Variants in HHIPL1 observed in about 807,000 individuals in gnomAD.
HHIPL1 encodes HHIP-like protein 1.
A neutral mutation model predicts 61.8 loss-of-function variants in HHIPL1; 43 were observed. The ratio of observed to expected loss-of-function variants is 0.70; its 90% CI spans 0.55 to 0.90. The LOEUF is 0.90. Ranked by LOEUF, HHIPL1 falls within the 40% of genes least tolerant of loss-of-function variation. HHIPL1 has a pLI of 0.00. For missense variants in HHIPL1, 1,056 were observed against 1,157.7 expected, an observed-to-expected ratio of 0.91 and a Z score of 1.28; for synonymous variants, 482 against 515.8, an observed-to-expected ratio of 0.93 and a Z score of 0.89.
chr14:99,640,271 T>A (rs1477191871), upstream of HHIPL1, among the ~76,000 whole-genome samples: 1 of 152,196 alleles, frequency 6.6e-6, no homozygotes, highest in East Asian at 1.9e-4. Flanking sequence ...ATGTGGTTTT[T>A]AAAACTTTAA....
At chr14:99,637,230 A>T in the HHIPL1 span, among the ~76,000 whole-genome samples, 5 of 146,350 alleles carry the variant, frequency 3.4e-5, no homozygotes, top group South Asian at 1.1e-3. Context: ...GAAAGAAAGA[A>T]AGAAAGAAAG....
At chr14:99,637,443 G>A in the HHIPL1 span, among the ~76,000 whole-genome samples, 1 of 151,720 alleles carries the variant, frequency 6.6e-6, no homozygotes, top group Non-Finnish European at 1.5e-5. Context: ...GTGATGGCGG[G>A]TGCCTCTAAT....
At chr14:99,625,775 T>A in the HHIPL1 span, 2 of 152,204 alleles carry the variant, frequency 1.3e-5, no homozygotes, top group African/African-American at 4.8e-5. Context: ...CAGCCCCCCA[T>A]GCCAGCCAAG....
rs1459429127 is a variant in HHIPL1 at position 99,672,362 on chromosome 14, G to A, written c.1776G>A (p.Lys592=). ...GKCQIQPAQV[K]IRSRLIPFVP... Reference sequence around the variant, plus strand: ...GTCAGATCCAGCCTGCTCAGGTGAAGATCAGAAGCCGTCTCATCCCCTTTG... The same window carrying A: ...GTCAGATCCAGCCTGCTCAGGTGAAAATCAGAAGCCGTCTCATCCCCTTTG... The change falls in exon 8 of 9, where the codon AAG becomes AAA. Residue 592 remains lysine, a synonymous_variant. Transcript: ENST00000330710. 1.3e-6 allele frequency: 2 copies of A among 1,551,296 alleles called. No individual in the cohort carries two copies. The highest frequency in any genetic ancestry group is 2.4e-5 in the South Asian group (2 of 84,060).
At chr14:99,674,792 G>T (rs886883803) in intron 8 of HHIPL1, among the ~76,000 whole-genome samples, 1 of 152,156 alleles carries the variant, frequency 6.6e-6, no homozygotes, top group Non-Finnish European at 1.5e-5. Flanking sequence ...TGGGGCTTGG[G>T]GTAGGGAGAC....
At chr14:99,623,864 C>T in the HHIPL1 span, among the ~76,000 whole-genome samples, 1 of 152,266 alleles carries the variant, frequency 6.6e-6, no homozygotes, top group Admixed American at 6.5e-5. Flanking sequence ...AACAAGCTGC[C>T]GAGAATTCCA....
chr14:99,668,752 C>T lies in HHIPL1; in HGVS notation c.1730+449C>T. 2.0e-6 allele frequency: 3 copies of T among 1,466,940 alleles called. No homozygotes were observed. Among genetic ancestry groups the T allele is most frequent in the South Asian group, 2.3e-5 (2 of 87,948 alleles). The allele number at this position is 1,466,940 out of a possible 1,614,324, so 90.9% of individuals were successfully genotyped here. A position where few individuals can be genotyped will look rare whatever the true frequency, so the allele number is the denominator to read the frequency against. On this transcript the variant is annotated intron_variant, in intron 7 of 8. Coordinates refer to ENST00000330710, the MANE Select transcript of HHIPL1 (RefSeq NM_001127258.3). This position sits in a 1 kb window ranked among gnomAD's most constrained non-coding sequence, Gnocchi z 4.7. ...GTGTCCCCGCCCCGTGCCTGCCCTT[C>T]CTCCTGTGGTCCATCTTCCACTGGG...
chr14:99,671,481 G>A lies in HHIPL1; in HGVS notation c.1731-836G>A, dbSNP rs549201322. 1.1e-4 allele frequency among the ~76,000 whole-genome samples: 16 copies of A among 152,150 alleles called. No homozygotes were observed. The East Asian group carries it at 1.4e-3, about 13-fold the overall frequency. On this transcript the variant is annotated intron_variant, in intron 7 of 8. Transcript: ENST00000330710. ...TTGTCCCTCTTTTGTGTCCCTCTTC[G>A]GCCAAGCCTGTCTGGAGGCCACTCC...
Position 99,659,762 on chromosome 14 carries a change from T to C in HHIPL1, c.1375+6T>C, listed in dbSNP as rs2056114335. On this transcript the variant is annotated splice_donor_region_variant and intron_variant, in intron 4 of 8. Transcript: ENST00000330710. Reference sequence around the variant, plus strand: ...GTGCGCCAACACCTCTCTCAGTGAGTGCCCGCGCCCCGGGGACCCCGGCCC... The same window carrying C: ...GTGCGCCAACACCTCTCTCAGTGAGCGCCCGCGCCCCGGGGACCCCGGCCC... The C allele has an allele frequency of 6.7e-6, 9 of 1,334,220 alleles. No individual in the cohort carries two copies. The highest frequency in any genetic ancestry group is 8.6e-6 in the Non-Finnish European group (9 of 1,040,816). 82.6% of individuals were successfully genotyped at this position (1,334,220 alleles called of 1,614,324 possible).
rs776654066 is a variant in HHIPL1 at position 99,652,642 on chromosome 14, G to A, written c.674G>A (p.Arg225His). ...VGLVWAYLPD[R>H]SRLGKPFLNI... ...CTGGTGTGGGCCTACCTGCCCGACCGCTCGAGGCTGGGGAAGCCTTTCCTG... is the reference window on the plus strand; with the variant it reads ...CTGGTGTGGGCCTACCTGCCCGACCACTCGAGGCTGGGGAAGCCTTTCCTG... The change falls in exon 2 of 9, where the codon CGC becomes CAC. Residue 225 changes from arginine to histidine, a missense_variant. Arg to His is a conservative substitution (Grantham distance 29). Coordinates refer to ENST00000330710, the MANE Select transcript of HHIPL1 (RefSeq NM_001127258.3). The A allele has an allele frequency of 5.6e-6, 9 of 1,613,314 alleles. No homozygotes were observed. The highest frequency in any genetic ancestry group is 4.5e-5 in the East Asian group (2 of 44,880).
chr14:99,659,888 G>T (rs12887985), intron 4 of HHIPL1, 132 bp downstream of exon 4: 2 of 619,748 alleles, frequency 3.2e-6, no homozygotes, highest in Admixed American at 4.2e-5. Flanking sequence ...GTCTGTCCTC[G>T]GCCCCACTCT....
At chr14:99,641,397 G>T (rs1261948195), upstream of HHIPL1, among the ~76,000 whole-genome samples, 3 of 149,986 alleles carry the variant, frequency 2.0e-5, no homozygotes, top group Non-Finnish European at 3.0e-5. Context: ...TCTCTTGGTT[G>T]CCTGGTTTCT....
At chr14:99,644,105 A>G (rs2140045880), upstream of HHIPL1, among the ~76,000 whole-genome samples, 1 of 152,296 alleles carries the variant, frequency 6.6e-6, no homozygotes. Flanking sequence ...GGCCAGAGCC[A>G]CAGACCTCTG....
intron 2 of HHIPL1, among the ~76,000 whole-genome samples, 192 bp from the exon 3 acceptor site, chr14:99,656,807 GA>G (rs1271098911): frequency 0.046 from 109 of 2,354 alleles, 8 homozygotes; most frequent in African/African-American, 0.052. Context: ...AAGAAAGAAA[GA>G]AAGAAAGAAA....
chr14:99,612,528 T>C, the HHIPL1 span, among the ~76,000 whole-genome samples: 1 of 152,214 alleles, frequency 6.6e-6, no homozygotes, highest in Admixed American at 6.5e-5. Flanking sequence ...GGTACACAAA[T>C]ACAATGTAAC....
chr14:99,665,755 GTTA>G (rs1595166088), intron 6 of HHIPL1, among the ~76,000 whole-genome samples: 1 of 151,896 alleles, frequency 6.6e-6, no homozygotes. Flanking sequence ...TTTTTTTGTT[GTTA>G]TTGTTGTTGT....
chr14:99,607,567 C>T, the HHIPL1 span, among the ~76,000 whole-genome samples: 1 of 152,170 alleles, frequency 6.6e-6, no homozygotes, highest in Non-Finnish European at 1.5e-5. Context: ...GATGCTAATA[C>T]ATGGTAGACA....
chr14:99,633,370 G>A, the HHIPL1 span, among the ~76,000 whole-genome samples: 16 of 152,218 alleles, frequency 1.1e-4, no homozygotes, highest in Admixed American at 7.8e-4. Flanking sequence ...CCAGGAGAGA[G>A]TCTGTGATGC....
the HHIPL1 span, among the ~76,000 whole-genome samples, chr14:99,625,922 G>A: frequency 2.0e-5 from 3 of 152,138 alleles, no homozygotes; most frequent in African/African-American, 7.2e-5. Flanking sequence ...CCCACAAGTT[G>A]TTCTGTTTCC....
Sources: allele counts gnomAD v4.1 joint callset (sites outside exome capture counted in the v4.1 genomes callset), GRCh38; gene constraint gnomAD v4.1.1; non-coding constraint Gnocchi (gnomAD v3.1); transcripts MANE v1.5; gene names NCBI Gene and HGNC (gene_info 2026-07-23, HGNC 2026-07-21).